MTFR1: variants seen among roughly 807,000 people sequenced by gnomAD.
MTFR1 encodes chondrocyte protein with a poly-proline region.
Under a neutral mutation model 38.8 loss-of-function variants are expected in MTFR1, and 28 were observed. The ratio of observed to expected loss-of-function variants is 0.72; its 90% CI spans 0.53 to 0.99. MTFR1 has a LOEUF of 0.99. Ranked by LOEUF, MTFR1 falls within the 50% of genes least tolerant of loss-of-function variation. MTFR1 has a pLI of 0.00. For missense variants in MTFR1, 358 were observed against 395.5 expected (o/e 0.91, Z 0.81); for synonymous variants, 145 against 137.0 (o/e 1.06, Z -0.41).
chr8:65,765,647 C>T (rs1808743802), intron 3 of MTFR1: 1 of 152,014 alleles, frequency 6.6e-6, no homozygotes, highest in South Asian at 2.1e-4. Flanking sequence ...CCTTGTATTA[C>T]ATCTTGCTGG....
chr8:65,769,204 C>T (rs554445141), intron 3 of MTFR1, among the ~76,000 whole-genome samples: 44 of 143,438 alleles, frequency 3.1e-4, no homozygotes, highest in African/African-American at 1.0e-3. Flanking sequence ...GCTAAGATCA[C>T]GCCACTGCAC....
At chr8:65,695,059 T>C (rs114339557) in intron 4 of MTFR1, among the ~76,000 whole-genome samples, 2,491 of 152,254 alleles carry the variant, frequency 0.016, 68 homozygotes, top group African/African-American at 0.057. Context: ...CTGAAAGCAG[T>C]GTGGAACCAT....
intron 4 of MTFR1, among the ~76,000 whole-genome samples, chr8:65,699,994 A>G (rs981459395): frequency 1.3e-5 from 2 of 152,196 alleles, no homozygotes; most frequent in Admixed American, 1.3e-4. Flanking sequence ...TGAGTCTTTC[A>G]TAATTGGTTA....
Position 65,730,178 on chromosome 8 carries a change from T to C in MTFR1, c.*48+10697T>C, listed in dbSNP as rs1400142442. 4.9e-4 allele frequency among the ~76,000 whole-genome samples: 57 copies of C among 116,636 alleles called. 4 individuals carry two copies. The highest frequency in any genetic ancestry group is 1.1e-3 in the African/African-American group (34 of 31,392). The allele number at this position is 116,636 out of a possible 152,430, so 76.5% of individuals were successfully genotyped here. A position where few individuals can be genotyped will look rare whatever the true frequency, so the allele number is the denominator to read the frequency against. On this transcript the variant is annotated intron_variant, in intron 3 of 3. Transcript: ENST00000521247. Reference sequence around the variant, plus strand: ...GATCCAGGTTGCGCACTTCTTTTTTTTTTTTTTTTTTTTTTTTTTGAGATG... The same window carrying C: ...GATCCAGGTTGCGCACTTCTTTTTTCTTTTTTTTTTTTTTTTTTTGAGATG...
intron 3 of MTFR1, 49 bp downstream of exon 3, chr8:65,682,500 A>G (rs1246576679): frequency 4.0e-6 from 4 of 1,000,810 alleles, no homozygotes; most frequent in Non-Finnish European, 5.3e-6. Flanking sequence ...GTACATTAGA[A>G]ATATAAATAG....
At chr8:65,770,053 T>C (rs1809002679) in intron 3 of MTFR1, among the ~76,000 whole-genome samples, 1 of 152,032 alleles carries the variant, frequency 6.6e-6, no homozygotes, top group Non-Finnish European at 1.5e-5. Flanking sequence ...CAAAAATAAA[T>C]AGTATAAAGA....
chr8:65,761,305 C>T (rs1808483928), intron 3 of MTFR1, among the ~76,000 whole-genome samples: 1 of 152,160 alleles, frequency 6.6e-6, no homozygotes, highest in South Asian at 2.1e-4. Flanking sequence ...ACCTCGTGAT[C>T]CACCTGCCTT....
chr8:65,696,671 A>AT (rs1280912197), intron 4 of MTFR1, among the ~76,000 whole-genome samples: 1 of 149,836 alleles, frequency 6.7e-6, no homozygotes, highest in African/African-American at 2.5e-5. Flanking sequence ...TTTTTTTTTT[A>AT]TTTTTTTGAG....
intron 7 of MTFR1, 23 bp downstream of exon 7, chr8:65,708,034 T>C (rs760733590): frequency 1.9e-6 from 3 of 1,609,566 alleles, no homozygotes; most frequent in Non-Finnish European, 1.7e-6. Context: ...CCCAGATTTC[T>C]TTCCTGTTAT....
chr8:65,657,706 TAA>T (rs59682546), intron 1 of MTFR1, among the ~76,000 whole-genome samples: 59 of 132,500 alleles, frequency 4.5e-4, no homozygotes, highest in Admixed American at 4.6e-4. Context: ...AGACTGTCTC[TAA>T]AAAAAAAAAA....
At chr8:65,658,664 AAAC>A (rs1195004454) in intron 1 of MTFR1, among the ~76,000 whole-genome samples, 1 of 152,192 alleles carries the variant, frequency 6.6e-6, no homozygotes, top group Non-Finnish European at 1.5e-5. Flanking sequence ...GGAACCTAGA[AAAC>A]AAAATGCCAC....
intron 3 of MTFR1, among the ~76,000 whole-genome samples, chr8:65,745,239 A>AT (rs1807620835): frequency 6.6e-6 from 1 of 152,162 alleles, no homozygotes; most frequent in Non-Finnish European, 1.5e-5. Context: ...TCAATTACCC[A>AT]GTCTCGGGTA....
At chr8:65,665,628 TCTTC>T (rs1244573222) in intron 1 of MTFR1, among the ~76,000 whole-genome samples, 3 of 152,180 alleles carry the variant, frequency 2.0e-5, no homozygotes, top group Non-Finnish European at 4.4e-5. Context: ...ATTTTTCTCT[TCTTC>T]CTTATCGCGC....
intron 4 of MTFR1, among the ~76,000 whole-genome samples, chr8:65,704,271 A>G (rs1283886909): frequency 3.9e-5 from 6 of 152,194 alleles, no homozygotes; most frequent in African/African-American, 1.4e-4. Flanking sequence ...CTTTATTTTC[A>G]GTAAAAAAAG....
At chr8:65,749,746 T>C (rs1189441898) in intron 3 of MTFR1, among the ~76,000 whole-genome samples, 1 of 152,218 alleles carries the variant, frequency 6.6e-6, no homozygotes, top group Non-Finnish European at 1.5e-5. Flanking sequence ...ATACCCAATA[T>C]AGGGTGACAC....
downstream of MTFR1, among the ~76,000 whole-genome samples, chr8:65,773,685 CTT>C (rs1322885131): frequency 6.6e-6 from 1 of 151,990 alleles, no homozygotes; most frequent in Non-Finnish European, 1.5e-5. Context: ...TCTTCCTTCT[CTT>C]GTCTTTTAGA....
intron 6 of MTFR1, 56 bp from the exon 7 acceptor site, chr8:65,707,787 C>A: frequency 6.3e-7 from 1 of 1,579,934 alleles, no homozygotes; most frequent in African/African-American, 1.4e-5. Flanking sequence ...AAAGTACTTC[C>A]CTGAGGGTGG....
chr8:65,723,712 A>G, intron 3 of MTFR1: 1 of 889,178 alleles, frequency 1.1e-6, no homozygotes, highest in Non-Finnish European at 1.6e-6. Flanking sequence ...TGCATTTCTT[A>G]GGAAAAACAT....
intron 1 of MTFR1, among the ~76,000 whole-genome samples, chr8:65,656,232 A>G (rs1809266704): frequency 6.6e-6 from 1 of 151,628 alleles, no homozygotes; most frequent in Non-Finnish European, 1.5e-5. Flanking sequence ...AACAACATTC[A>G]TCTACTGTCC....
Sources: allele counts gnomAD v4.1 joint callset (sites outside exome capture counted in the v4.1 genomes callset), GRCh38; gene constraint gnomAD v4.1.1; transcripts MANE v1.5; gene names NCBI Gene and HGNC (gene_info 2026-07-23, HGNC 2026-07-21).